Variants in PROX1 observed in about 807,000 individuals in gnomAD.
The protein encoded by PROX1 is prospero homeobox protein 1.
PROX1 carries 7 observed loss-of-function variants against 58.8 expected under a neutral mutation model. The ratio of observed to expected loss-of-function variants is 0.12; its 90% CI spans 0.07 to 0.22. The LOEUF is 0.22. PROX1 is among the 10% of genes least tolerant of loss of function. The probability of loss-of-function intolerance (pLI) is 1.00; values close to 1 mark genes in which losing one functional copy is unlikely to be tolerated. For missense variants in PROX1, 675 were observed against 927.8 expected, an observed-to-expected ratio of 0.73 and a Z score of 3.54; for synonymous variants, 350 against 358.3, an observed-to-expected ratio of 0.98 and a Z score of 0.26.
rs200387223 is a variant in PROX1, at chr1:213,997,842, C to G, written c.1307C>G (p.Thr436Arg). The G allele has an allele frequency of 2.5e-6, 4 of 1,614,004 alleles. No homozygotes were observed. The highest frequency in any genetic ancestry group is 8.5e-7 in the Non-Finnish European group (1 of 1,179,988). The change falls in exon 2 of 5, where the codon ACA becomes AGA. Residue 436 changes from threonine to arginine, a missense_variant. Transcript: ENST00000366958. The surrounding 1 kb of genome is among the most constrained non-coding windows in gnomAD (Gnocchi z 7.1). ...CAGATGGCCAGTTCCACTGACCAGA[C>G]AGAAGCACTGCCCCTGGTTGTCCGC... The part of the protein sequence containing the change: ...NVQMASSTDQ[T>R]EALPLVVRKN...
chr1:214,028,692 T>C (rs1447789749), intron 4 of PROX1, among the ~76,000 whole-genome samples: 5 of 152,190 alleles, frequency 3.3e-5, no homozygotes, highest in Non-Finnish European at 7.3e-5. Context: ...TTCTTTTCCA[T>C]TTGATCCTCC....
chr1:214,037,371 C>T lies in PROX1; in HGVS notation c.*1537C>T, dbSNP rs1482083961. The T allele has an allele frequency of 1.3e-5, 2 of 152,132 alleles. No homozygotes were observed. The highest frequency in any genetic ancestry group is 4.8e-5 in the African/African-American group (2 of 41,414). 9.4% of individuals were successfully genotyped at this position (152,132 alleles called of 1,614,324 possible). ...ACAGTAACAAATCTGGTATTTAGAA[C>T]ATATAGAACATAAATGCCATTTTTT... On this transcript the variant is annotated 3_prime_UTR_variant, in exon 5 of 5. Transcript: ENST00000366958.
At chr1:213,994,435 G>A (rs550568288) in intron 1 of PROX1, among the ~76,000 whole-genome samples, 57 of 151,900 alleles carry the variant, frequency 3.8e-4, no homozygotes, top group Admixed American at 3.1e-3. Flanking sequence ...CCTTGTAACC[G>A]CCCCCCATGC....
chr1:213,996,487 CT>C lies in PROX1; in HGVS notation c.-48del. ...TGGCCAGGGTCCCGGGATTCTTGAG[CT>C]GTGCCCAGCTGACGAGCTTTTGAAG... On this transcript the variant is annotated 5_prime_UTR_variant, in exon 2 of 5. Transcript: ENST00000366958. 1 of 1,553,668 alleles carries C rather than the reference CT, an allele frequency of 6.4e-7. No homozygotes were observed. Among genetic ancestry groups the C allele is most frequent in the Non-Finnish European group, 8.7e-7 (1 of 1,148,504 alleles).
chr1:214,022,123 C>CAAT (rs1664299869), intron 4 of PROX1, among the ~76,000 whole-genome samples: 1 of 152,184 alleles, frequency 6.6e-6, no homozygotes. Flanking sequence ...GGTCCTGGAT[C>CAAT]AATACCGTTG....
chr1:214,034,585 C>G (rs1200194531), intron 4 of PROX1, among the ~76,000 whole-genome samples: 1 of 152,092 alleles, frequency 6.6e-6, no homozygotes, highest in Non-Finnish European at 1.5e-5. Context: ...CCATGCTGTA[C>G]TATAAGTAAC....
At position 213,996,625 on chromosome 1, in the gene PROX1, A is replaced by G; in HGVS notation, c.90A>G (p.Ala30=). The change falls in exon 2 of 5, where the codon GCA becomes GCG. Residue 30 remains alanine, a synonymous_variant. Transcript: ENST00000366958. ...GAGTGAAAAGGACGGTAGGGACAGC[A>G]TCTGCATTTTTTGCTAAGGCAAGAG... The part of the protein sequence containing the change: ...DIGVKRTVGT[A]SAFFAKARAT... 5.0e-6 allele frequency: 8 copies of G among 1,614,238 alleles called. No individual in the cohort carries two copies. The highest frequency in any genetic ancestry group is 6.8e-6 in the Non-Finnish European group (8 of 1,180,040).
intron 4 of PROX1, among the ~76,000 whole-genome samples, chr1:214,016,508 C>G (rs930969473): frequency 6.6e-6 from 1 of 151,880 alleles, no homozygotes; most frequent in Non-Finnish European, 1.5e-5. Flanking sequence ...GCTGCTGAGC[C>G]GTTTAAATAA....
intron 1 of PROX1, chr1:213,989,861 G>C (rs902485522): frequency 3.9e-5 from 6 of 152,422 alleles, no homozygotes; most frequent in Admixed American, 6.5e-5. Context: ...CAGGCAGACA[G>C]AGAACAGAAC....
intron 4 of PROX1, among the ~76,000 whole-genome samples, chr1:214,032,810 A>G (rs1315599522): frequency 1.3e-5 from 2 of 152,230 alleles, no homozygotes; most frequent in African/African-American, 4.8e-5. Flanking sequence ...AAAGTTAAAC[A>G]GCATCAAGAC....
Position 214,036,293 on chromosome 1 carries a change from A to G in PROX1, c.*459A>G, listed in dbSNP as rs935195092. On this transcript the variant is annotated 3_prime_UTR_variant, in exon 5 of 5. Coordinates refer to ENST00000366958, the MANE Select transcript of PROX1 (RefSeq NM_001270616.2). ...GAAGGTCTGAAAATTTAATGAAACC[A>G]CTTCATACATTTAAGTATTTTGTTT... is the stretch of plus-strand genomic sequence containing the variant. 1 of 152,444 alleles carries G rather than the reference A, an allele frequency of 6.6e-6. No homozygotes were observed. The highest frequency in any genetic ancestry group is 1.5e-5 in the Non-Finnish European group (1 of 68,226). 9.4% of individuals were successfully genotyped at this position (152,444 alleles called of 1,614,324 possible).
At chr1:214,017,419 A>G (rs1472503298) in intron 4 of PROX1, among the ~76,000 whole-genome samples, 2 of 152,006 alleles carry the variant, frequency 1.3e-5, no homozygotes, top group Non-Finnish European at 2.9e-5. Flanking sequence ...CTTATCAGTT[A>G]CTCCATTTAA....
At chr1:214,013,138 GGTGTGTGTGTGTGTGT>G (rs67603307) in intron 4 of PROX1, among the ~76,000 whole-genome samples, 2 of 148,186 alleles carry the variant, frequency 1.3e-5, no homozygotes, top group African/African-American at 2.5e-5. Context: ...AAGTTTGGGT[GGTGTGTGTGTGTGTGT>G]GTGTGTGTGT....
intron 2 of PROX1, among the ~76,000 whole-genome samples, chr1:214,002,697 A>T (rs1475582281): frequency 6.6e-6 from 1 of 152,164 alleles, no homozygotes; most frequent in Non-Finnish European, 1.5e-5. Flanking sequence ...AATCTATTCC[A>T]TCATGAGTCA....
chr1:214,002,548 C>A (rs1214698060), intron 2 of PROX1, among the ~76,000 whole-genome samples: 7 of 151,966 alleles, frequency 4.6e-5, no homozygotes, highest in Admixed American at 2.0e-4. Context: ...GCCACATGAG[C>A]TGCTGGGACA....
chr1:214,029,636 T>A (rs543043256), intron 4 of PROX1: 2 of 152,320 alleles, frequency 1.3e-5, no homozygotes, highest in Admixed American at 1.3e-4. Flanking sequence ...TAGATATATT[T>A]AACTCTACTA....
At chr1:214,035,550 C>T in intron 4 of PROX1, 99 bp from the exon 5 acceptor site, 1 of 1,222,988 alleles carries the variant, frequency 8.2e-7, no homozygotes, top group Non-Finnish European at 1.1e-6. Context: ...GCCATGTAAG[C>T]CCCTTTCTGC....
chr1:213,999,643 T>C (rs1461059245), intron 2 of PROX1, among the ~76,000 whole-genome samples: 1 of 152,092 alleles, frequency 6.6e-6, no homozygotes, highest in Non-Finnish European at 1.5e-5. Flanking sequence ...GAGAAGAACA[T>C]TGTAACAGAA....
chr1:213,996,418 T>C (rs1663264157), intron 1 of PROX1, 51 bp from the exon 2 acceptor site: 1 of 1,273,496 alleles, frequency 7.9e-7, no homozygotes, highest in Non-Finnish European at 1.1e-6. Context: ...TCAGGAAATT[T>C]GGAGAAATTT....
Sources: allele counts gnomAD v4.1 joint callset (sites outside exome capture counted in the v4.1 genomes callset), GRCh38; gene constraint gnomAD v4.1.1; non-coding constraint Gnocchi (gnomAD v3.1); transcripts MANE v1.5; gene names NCBI Gene and HGNC (gene_info 2026-07-23, HGNC 2026-07-21).